The following CTNNA2 variants were observed in gnomAD, a reference collection of about 807,000 sequenced individuals.
CTNNA2 encodes catenin alpha-2.
A neutral mutation model predicts 101.0 loss-of-function variants in CTNNA2; 42 were observed. The ratio of observed to expected loss-of-function variants is 0.42; its 90% confidence interval spans 0.32 to 0.54. The LOEUF (loss-of-function observed/expected upper bound fraction) is 0.54. Ranked by LOEUF, CTNNA2 falls within the 20% of genes least tolerant of loss-of-function variation. The pLI, the probability that CTNNA2 is intolerant of heterozygous loss-of-function variation, is 0.14. For missense variants in CTNNA2, 871 were observed against 1,223.1 expected, an observed-to-expected ratio of 0.71 and a Z score of 4.29; for synonymous variants, 450 against 456.4, an observed-to-expected ratio of 0.99 and a Z score of 0.18.
chr2:79,367,080 C>A (rs1026196530), intron 3 of CTNNA2, among the ~76,000 whole-genome samples: 5 of 152,106 alleles, frequency 3.3e-5, no homozygotes, highest in Non-Finnish European at 5.9e-5. Flanking sequence ...AAGGGTAGAG[C>A]CCTCATGATA....
At chr2:80,008,370 C>G (rs1693527214) in intron 7 of CTNNA2, among the ~76,000 whole-genome samples, 1 of 152,174 alleles carries the variant, frequency 6.6e-6, no homozygotes, top group South Asian at 2.1e-4. Context: ...GTTTCCCTAG[C>G]TTTTGCATGA....
At chr2:80,015,632 G>A (rs1030173875) in intron 7 of CTNNA2, among the ~76,000 whole-genome samples, 2 of 152,132 alleles carry the variant, frequency 1.3e-5, no homozygotes, top group African/African-American at 2.4e-5. Flanking sequence ...CCCTCCACCG[G>A]CTAGGTGATT....
intron 1 of CTNNA2, among the ~76,000 whole-genome samples, chr2:79,586,986 A>G (rs914508426): frequency 3.3e-5 from 5 of 152,192 alleles, no homozygotes; most frequent in African/African-American, 1.2e-4. Context: ...GAGTTGCTGC[A>G]AAGGCCATTG....
At chr2:79,526,329 A>G (rs1001217181) in intron 1 of CTNNA2, among the ~76,000 whole-genome samples, 4 of 152,058 alleles carry the variant, frequency 2.6e-5, no homozygotes, top group African/African-American at 9.6e-5. Context: ...AATATCATGA[A>G]AAGAATTTGA....
chr2:79,539,229 A>C (rs1254357261), intron 1 of CTNNA2, among the ~76,000 whole-genome samples: 18 of 152,184 alleles, frequency 1.2e-4, no homozygotes, highest in African/African-American at 4.3e-4. Context: ...GGAGTGAGGC[A>C]TGCAAATGGC....
chr2:80,021,899 ATTTAC>A (rs1694589805), intron 7 of CTNNA2, among the ~76,000 whole-genome samples: 1 of 128,912 alleles, frequency 7.8e-6, no homozygotes, highest in Non-Finnish European at 1.5e-5. Flanking sequence ...CACAAAAATT[ATTTAC>A]TTTACATTAA....
intron 12 of CTNNA2, among the ~76,000 whole-genome samples, chr2:80,566,437 T>C (rs1694070206): frequency 6.6e-6 from 1 of 152,130 alleles, no homozygotes. Flanking sequence ...CACACATACA[T>C]ATTTGCAAAT....
At chr2:80,547,706 T>TTTTTTTTTG (rs1573221287) in intron 11 of CTNNA2, among the ~76,000 whole-genome samples, 3 of 149,684 alleles carry the variant, frequency 2.0e-5, no homozygotes, top group Non-Finnish European at 3.0e-5. Context: ...TTTTTTTTTT[T>TTTTTTTTTG]GAGATGGAGT....
In CTNNA2 at chr2:80,067,216, A is replaced by T. The variant is rs187389793; in HGVS notation, c.1056+157419A>T. Among the ~76,000 whole-genome samples, 479 of 152,228 alleles carry T rather than the reference A, an allele frequency of 3.1e-3. 4 individuals are homozygous for T. Among genetic ancestry groups the T allele is most frequent in the African/African-American group, 0.01 (436 of 41,536 alleles). On this transcript the variant is annotated intron_variant, in intron 7 of 18. Coordinates refer to ENST00000402739, the MANE Select transcript of CTNNA2 (RefSeq NM_001282597.3). ...TTCTTGAAAATTGCTAAGAAAGTAG[A>T]TTTTAAGTGTTCGCATCACAAAAAA...
intron 2 of CTNNA2, among the ~76,000 whole-genome samples, chr2:79,654,148 A>G (rs1370588277): frequency 6.6e-6 from 1 of 152,142 alleles, no homozygotes; most frequent in Non-Finnish European, 1.5e-5. Context: ...GAGATCTATA[A>G]TTTTTGTATT....
At chr2:79,189,453 T>C (rs1272303346) in intron 1 of CTNNA2, among the ~76,000 whole-genome samples, 1 of 152,182 alleles carries the variant, frequency 6.6e-6, no homozygotes, top group East Asian at 1.9e-4. Context: ...TTTTCTTCTC[T>C]GTTCTTTTAA....
At chr2:80,630,104 G>A (rs1053320092) in intron 18 of CTNNA2, among the ~76,000 whole-genome samples, 30 of 152,236 alleles carry the variant, frequency 2.0e-4, no homozygotes, top group Non-Finnish European at 3.4e-4. Flanking sequence ...CAGAGGTCTA[G>A]ATCTACCTCT....
chr2:79,479,398 T>C (rs1044558661), intron 4 of CTNNA2, among the ~76,000 whole-genome samples: 2 of 152,214 alleles, frequency 1.3e-5, no homozygotes, highest in African/African-American at 4.8e-5. Context: ...TATTTTCACC[T>C]GAACCACTTG....
chr2:80,100,105 T>C (rs1700452906), intron 7 of CTNNA2, among the ~76,000 whole-genome samples: 1 of 152,104 alleles, frequency 6.6e-6, no homozygotes, highest in East Asian at 1.9e-4. Flanking sequence ...ACATTTTTTT[T>C]GTATTTTTAG....
chr2:80,114,043 G>T (rs1701371905), intron 7 of CTNNA2, among the ~76,000 whole-genome samples: 1 of 152,132 alleles, frequency 6.6e-6, no homozygotes. Context: ...GTTTCTGGGT[G>T]CCCCCTTTCT....
At chr2:79,512,978 C>T (rs1340842583), upstream of CTNNA2, 2 of 151,032 alleles carry the variant, frequency 1.3e-5, no homozygotes, top group African/African-American at 4.8e-5. Context: ...GGGCAGGACG[C>T]GGGGCGGGCG....
intron 1 of CTNNA2, among the ~76,000 whole-genome samples, chr2:79,626,619 A>ATG (rs71867416): frequency 0.032 from 4,625 of 142,438 alleles, 128 homozygotes; most frequent in East Asian, 0.099. Flanking sequence ...GTGTGTGTGT[A>ATG]TGTGTGTGTG....
intron 4 of CTNNA2, among the ~76,000 whole-genome samples, chr2:79,488,438 A>G (rs1376187491): frequency 6.6e-6 from 1 of 152,120 alleles, no homozygotes; most frequent in East Asian, 1.9e-4. Context: ...GACTTTGGAC[A>G]AAAAGTGTAG....
chr2:79,862,728 A>G (rs896971092), intron 4 of CTNNA2, among the ~76,000 whole-genome samples: 3 of 152,224 alleles, frequency 2.0e-5, no homozygotes, highest in Non-Finnish European at 4.4e-5. Context: ...TCCTGCCTTC[A>G]AAACCTTACA....
Sources: allele counts gnomAD v4.1 joint callset (sites outside exome capture counted in the v4.1 genomes callset), GRCh38; gene constraint gnomAD v4.1.1; transcripts MANE v1.5; gene names NCBI Gene and HGNC (gene_info 2026-07-23, HGNC 2026-07-21).